Variants in PTGER3 observed in about 807,000 individuals in gnomAD.
PTGER3 encodes prostaglandin E2 receptor EP3 subtype.
A neutral mutation model predicts 34.7 loss-of-function variants in PTGER3; 22 were observed. That is an observed-to-expected ratio of 0.63 (90% CI 0.45 to 0.91). PTGER3 has a LOEUF of 0.91. Among genes scored for constraint, PTGER3 ranks in the 40% least tolerant of loss-of-function variants. PTGER3 has a pLI of 0.00. For synonymous variants in PTGER3, 241 were observed against 230.1 expected (o/e 1.05, Z -0.43); for missense variants, 468 against 519.4 (o/e 0.90, Z 0.96).
At chr1:70,891,255 T>C (rs1227839248) in intron 4 of PTGER3, among the ~76,000 whole-genome samples, 3 of 152,206 alleles carry the variant, frequency 2.0e-5, no homozygotes, top group African/African-American at 4.8e-5. Flanking sequence ...CAATTAAGGA[T>C]TGTTTAATGA....
chr1:70,889,274 G>A (rs1008632518), intron 4 of PTGER3, among the ~76,000 whole-genome samples: 2 of 151,830 alleles, frequency 1.3e-5, no homozygotes, highest in Non-Finnish European at 2.9e-5. Flanking sequence ...AATTAGCCAG[G>A]CGTGGTGGCG....
At chr1:70,984,871 TAA>T (rs1654762795) in intron 2 of PTGER3, among the ~76,000 whole-genome samples, 1 of 152,148 alleles carries the variant, frequency 6.6e-6, no homozygotes, top group Admixed American at 6.6e-5. Flanking sequence ...TTAGAAAAAT[TAA>T]AGAGATATTT....
intron 2 of PTGER3, among the ~76,000 whole-genome samples, chr1:70,961,860 C>A (rs1651962964): frequency 6.6e-6 from 1 of 152,176 alleles, no homozygotes; most frequent in Non-Finnish European, 1.5e-5. Flanking sequence ...TTGCTTAGGG[C>A]CCTATCATGC....
intron 3 of PTGER3, among the ~76,000 whole-genome samples, chr1:70,972,112 G>A (rs1653148990): frequency 1.3e-5 from 2 of 152,100 alleles, no homozygotes; most frequent in Admixed American, 1.3e-4. Context: ...TGGATCATGA[G>A]GTCAAGAGAT....
chr1:70,954,868 TACTGA>T (rs1238780479), intron 2 of PTGER3, among the ~76,000 whole-genome samples: 1 of 152,094 alleles, frequency 6.6e-6, no homozygotes, highest in Non-Finnish European at 1.5e-5. Context: ...ACAAATATAC[TACTGA>T]AAATGAAATT....
intron 2 of PTGER3, among the ~76,000 whole-genome samples, chr1:70,962,481 T>C (rs1292004725): frequency 1.3e-5 from 2 of 151,758 alleles, no homozygotes; most frequent in African/African-American, 4.9e-5. Flanking sequence ...CTGGGCAATC[T>C]ATAAAAAAAA....
At chr1:70,929,172 C>G (rs141944154) in intron 4 of PTGER3, among the ~76,000 whole-genome samples, 1 of 152,234 alleles carries the variant, frequency 6.6e-6, no homozygotes, top group East Asian at 1.9e-4. Context: ...AATAAAATAG[C>G]TCTAAAGACG....
intron 1 of PTGER3, among the ~76,000 whole-genome samples, chr1:71,046,285 CAAAAAAAAAA>C (rs34411077): frequency 1.2e-5 from 1 of 81,176 alleles, no homozygotes; most frequent in Non-Finnish European, 2.2e-5. Flanking sequence ...GACTCCGTCT[CAAAAAAAAAA>C]AAAAAAAAAA....
At chr1:70,995,315 G>A (rs890550248) in intron 2 of PTGER3, among the ~76,000 whole-genome samples, 1 of 152,120 alleles carries the variant, frequency 6.6e-6, no homozygotes, top group South Asian at 2.1e-4. Context: ...TGGTAGATTG[G>A]GATTGGTTTA....
chr1:70,974,303 A>G lies in PTGER3; in HGVS notation c.1163T>C (p.Leu388Ser). 2 of 1,604,640 alleles carry G rather than the reference A, an allele frequency of 1.2e-6. No individual in the cohort carries two copies. Among genetic ancestry groups the G allele is most frequent in the Non-Finnish European group, 1.7e-6 (2 of 1,171,680 alleles). The change falls in exon 3 of 4, where the codon TTG becomes TCG. Residue 388 changes from leucine (L) to serine (S), a missense_variant. Physicochemically the swap from Leu to Ser is moderately radical, Grantham distance 145 (BLOSUM62 -2). Coordinates refer to ENST00000306666, the MANE Select transcript of PTGER3 (RefSeq NM_198719.2). ...GGCAGTTTCTAAATCTCACCTTTCC[A>G]AATGGTCGCTCCACATCAAGGTTGA... ...CSSTLMWSDHLER is the reference protein window; with the variant it reads ...CSSTLMWSDHSER
chr1:71,011,738 C>A, intron 2 of PTGER3: 2 of 979,982 alleles, frequency 2.0e-6, no homozygotes, highest in Non-Finnish European at 2.4e-6. Flanking sequence ...ACATTTTTAA[C>A]TGTAATTAAA....
chr1:70,885,378 C>T (rs1235995458), intron 4 of PTGER3, among the ~76,000 whole-genome samples: 1 of 151,910 alleles, frequency 6.6e-6, no homozygotes, highest in East Asian at 1.9e-4. Context: ...ATAATTAACC[C>T]ATGTATGTAC....
intron 2 of PTGER3, among the ~76,000 whole-genome samples, chr1:70,955,301 A>G (rs1651204576): frequency 6.6e-6 from 1 of 152,186 alleles, no homozygotes; most frequent in Admixed American, 6.5e-5. Context: ...CTATCACATG[A>G]CATAGTAGAT....
At chr1:71,018,884 G>A (rs2744918) in intron 1 of PTGER3, among the ~76,000 whole-genome samples, 139,071 of 152,194 alleles carry the variant, frequency 0.91, 63,627 homozygotes, top group East Asian at 0.96. Context: ...TATAAAATCA[G>A]CCAGTAGCTG....
At chr1:70,915,709 G>T (rs1647160119) in intron 4 of PTGER3, among the ~76,000 whole-genome samples, 1 of 151,750 alleles carries the variant, frequency 6.6e-6, no homozygotes, top group African/African-American at 2.4e-5. Flanking sequence ...TTCTGAATAG[G>T]GTGTCCTTTC....
At chr1:70,960,922 C>G (rs969056078) in intron 2 of PTGER3, among the ~76,000 whole-genome samples, 1 of 152,090 alleles carries the variant, frequency 6.6e-6, no homozygotes, top group Non-Finnish European at 1.5e-5. Flanking sequence ...AGATCTGAAA[C>G]TTTAATATGG....
chr1:70,893,821 T>C (rs1056776472), intron 4 of PTGER3, among the ~76,000 whole-genome samples: 7 of 152,232 alleles, frequency 4.6e-5, no homozygotes, highest in African/African-American at 1.7e-4. Context: ...ATTCATTTGT[T>C]TGTTGCTTCC....
intron 1 of PTGER3, among the ~76,000 whole-genome samples, chr1:71,036,664 C>T (rs1469701496): frequency 6.6e-6 from 1 of 151,994 alleles, no homozygotes. Context: ...CACGGTGAAA[C>T]CCCGTCTCTA....
At chr1:70,860,761 A>C (rs146814628) in intron 4 of PTGER3, among the ~76,000 whole-genome samples, 109 of 152,274 alleles carry the variant, frequency 7.2e-4, no homozygotes, top group African/African-American at 2.3e-3. Context: ...CTGGAGAAGA[A>C]AAGACCATGA....
Sources: allele counts gnomAD v4.1 joint callset (sites outside exome capture counted in the v4.1 genomes callset), GRCh38; gene constraint gnomAD v4.1.1; transcripts MANE v1.5; gene names NCBI Gene and HGNC (gene_info 2026-07-23, HGNC 2026-07-21).